The following SLC10A1 variants were observed in gnomAD, a reference collection of about 807,000 sequenced individuals.
SLC10A1 encodes the protein hepatic sodium/bile acid cotransporter.
In SLC10A1, 36 loss-of-function variants were observed where a neutral mutation model predicts 20.5. That is an observed-to-expected ratio of 1.75 (90% CI 1.34 to 2.32). SLC10A1 has a LOEUF of 2.32. Ranked by LOEUF, SLC10A1 falls within the 30% of genes most tolerant of loss-of-function variation. The pLI, the probability that SLC10A1 is intolerant of heterozygous loss-of-function variation, is 0.00. For missense variants in SLC10A1, 545 were observed against 439.1 expected, an observed-to-expected ratio of 1.24 and a Z score of -2.16; for synonymous variants, 188 against 163.6, an observed-to-expected ratio of 1.15 and a Z score of -1.14.
At chr14:69,781,558 A>G (rs1411908193) in intron 2 of SLC10A1, among the ~76,000 whole-genome samples, 1 of 152,266 alleles carries the variant, frequency 6.6e-6, no homozygotes, top group African/African-American at 2.4e-5. Context: ...AGCAATAGCC[A>G]CAAGTTGGCA....
chr14:69,793,491 A>C (rs1882322234), intron 1 of SLC10A1, among the ~76,000 whole-genome samples: 1 of 151,942 alleles, frequency 6.6e-6, no homozygotes, highest in South Asian at 2.1e-4. Flanking sequence ...ACATCTGTGT[A>C]CCCCATTTAA....
intron 2 of SLC10A1, among the ~76,000 whole-genome samples, chr14:69,779,679 T>G (rs551883210): frequency 1.3e-5 from 2 of 152,210 alleles, no homozygotes; most frequent in African/African-American, 2.4e-5. Flanking sequence ...TTTTTAGATT[T>G]CGTATCAGTA....
At chr14:69,788,949 G>A (rs968518203) in intron 1 of SLC10A1, among the ~76,000 whole-genome samples, 1 of 152,204 alleles carries the variant, frequency 6.6e-6, no homozygotes, top group East Asian at 1.9e-4. Flanking sequence ...AATGGCTAAT[G>A]AGCACATGAA....
intron 1 of SLC10A1, among the ~76,000 whole-genome samples, chr14:69,791,991 G>A (rs746464219): frequency 1.3e-4 from 19 of 148,742 alleles, no homozygotes; most frequent in Admixed American, 2.7e-4. Flanking sequence ...TTGCTCTGTC[G>A]CCCAGGCTGG....
intron 1 of SLC10A1, among the ~76,000 whole-genome samples, chr14:69,793,107 G>C (rs1171678533): frequency 6.6e-6 from 1 of 152,166 alleles, no homozygotes; most frequent in Non-Finnish European, 1.5e-5. Flanking sequence ...CAACTTGTGT[G>C]TTTGTTCTGG....
intron 1 of SLC10A1, among the ~76,000 whole-genome samples, chr14:69,789,016 A>G (rs979634022): frequency 6.6e-6 from 1 of 152,232 alleles, no homozygotes; most frequent in Non-Finnish European, 1.5e-5. Context: ...ACTTTGAGAT[A>G]CCACTTTATA....
chr14:69,787,258 C>T (rs954349543), intron 1 of SLC10A1, among the ~76,000 whole-genome samples: 7 of 152,230 alleles, frequency 4.6e-5, no homozygotes, highest in African/African-American at 1.7e-4. Context: ...GTCCAATTTC[C>T]TTTTCCATTT....
At chr14:69,781,499 A>C (rs1348052048) in intron 2 of SLC10A1, among the ~76,000 whole-genome samples, 1 of 152,242 alleles carries the variant, frequency 6.6e-6, no homozygotes, top group African/African-American at 2.4e-5. Flanking sequence ...TTGCAGGATT[A>C]CAGAGAGGGA....
In SLC10A1 at chr14:69,796,933, T is replaced by C; in HGVS notation, c.223A>G (p.Thr75Ala). 6.2e-7 allele frequency: 1 copy of C among 1,614,176 alleles called. No homozygotes were observed. The highest frequency in any genetic ancestry group is 1.1e-5 in the South Asian group (1 of 91,084). Residue 75 changes from threonine to alanine, a missense_variant, in exon 1 of 5, where the codon ACG becomes GCG. Coordinates refer to ENST00000216540, the MANE Select transcript of SLC10A1 (RefSeq NM_003049.4). ...AAGACCTTGCCCAGCACAAAGGCCG[T>C]GAGGGGCATGATGCCATACTGTGCC... ...LVAQYGIMPL[T>A]AFVLGKVFRL...
intron 4 of SLC10A1, among the ~76,000 whole-genome samples, chr14:69,776,983 T>TA (rs1555352222): frequency 6.6e-6 from 1 of 152,186 alleles, no homozygotes; most frequent in Non-Finnish European, 1.5e-5. Context: ...TCCAAAGAAA[T>TA]ACGTTGCTTT....
intron 1 of SLC10A1, among the ~76,000 whole-genome samples, chr14:69,786,637 C>A (rs530892333): frequency 6.6e-6 from 1 of 152,126 alleles, no homozygotes; most frequent in Non-Finnish European, 1.5e-5. Flanking sequence ...GAACCCTTTT[C>A]GCATTGAGCA....
At position 69,781,125 on chromosome 14, in the gene SLC10A1, G is replaced by A. The variant is rs75781181; in HGVS notation, c.568-1765C>T. On this transcript the variant is annotated intron_variant, in intron 2 of 4. Coordinates refer to ENST00000216540, the MANE Select transcript of SLC10A1 (RefSeq NM_003049.4). The stretch of plus-strand genomic sequence containing the variant: ...GTCACTCAACCTGAGTGAGGTTGAC[G>A]GCATAGGACCTGGCATATAAGAACC... 1.5e-4 allele frequency among the ~76,000 whole-genome samples: 23 copies of A among 152,210 alleles called. No individual in the cohort carries two copies. The East Asian group carries it at 4.2e-3, about 28-fold the overall frequency.
At chr14:69,784,921 A>G (rs1469783077) in intron 2 of SLC10A1, among the ~76,000 whole-genome samples, 1 of 152,180 alleles carries the variant, frequency 6.6e-6, no homozygotes, top group African/African-American at 2.4e-5. Flanking sequence ...GACAAGGGCA[A>G]AAACTACTCT....
At chr14:69,788,208 C>G (rs1318694695) in intron 1 of SLC10A1, among the ~76,000 whole-genome samples, 1 of 151,912 alleles carries the variant, frequency 6.6e-6, no homozygotes, top group Non-Finnish European at 1.5e-5. Flanking sequence ...AGCATTGAAA[C>G]TGAGCAACCA....
chr14:69,778,677 C>G, intron 3 of SLC10A1, 148 bp from the exon 4 acceptor site: 1 of 628,774 alleles, frequency 1.6e-6, no homozygotes, highest in Admixed American at 3.5e-5. Context: ...GTTTGGATAC[C>G]TTTGGTGTCT....
intron 2 of SLC10A1, among the ~76,000 whole-genome samples, chr14:69,784,078 G>A (rs866251937): frequency 6.6e-6 from 1 of 152,164 alleles, no homozygotes; most frequent in African/African-American, 2.4e-5. Flanking sequence ...TGGAAGTCTC[G>A]GTTTGCAGAT....
At chr14:69,780,170 G>A (rs1377286022) in intron 2 of SLC10A1, among the ~76,000 whole-genome samples, 1 of 152,192 alleles carries the variant, frequency 6.6e-6, no homozygotes, top group Non-Finnish European at 1.5e-5. Flanking sequence ...TATCTTGGGT[G>A]ATAACAACAT....
chr14:69,782,037 G>T (rs1883604134), intron 2 of SLC10A1, among the ~76,000 whole-genome samples: 1 of 152,188 alleles, frequency 6.6e-6, no homozygotes, highest in African/African-American at 2.4e-5. Flanking sequence ...ATGGGACAGG[G>T]TGACGAAGGA....
At chr14:69,783,482 G>T (rs988687860) in intron 2 of SLC10A1, among the ~76,000 whole-genome samples, 1 of 152,186 alleles carries the variant, frequency 6.6e-6, no homozygotes, top group African/African-American at 2.4e-5. Flanking sequence ...TAAAGGATGA[G>T]TGGGAGTGAT....
Sources: gnomAD v4.1 joint callset for allele counts (sites outside exome capture counted in the v4.1 genomes callset) on GRCh38, gnomAD v4.1.1 for gene constraint, MANE v1.5 for transcripts, NCBI Gene and HGNC (gene_info 2026-07-23, HGNC 2026-07-21) for gene names.